The following CAPN7 variants were observed in gnomAD, a reference collection of about 807,000 sequenced individuals.
The protein encoded by CAPN7 is calpain 7, also known as calpain-7.
A neutral mutation model predicts 115.2 loss-of-function variants in CAPN7; 72 were observed. That is an observed-to-expected ratio of 0.63 (90% CI 0.52 to 0.76). CAPN7 has a LOEUF of 0.76. Ranked by LOEUF, CAPN7 falls within the 30% of genes least tolerant of loss-of-function variation. The pLI is 0.00. For missense variants in CAPN7, 905 were observed against 971.5 expected (o/e 0.93, Z 0.91); for synonymous variants, 344 against 322.3 (o/e 1.07, Z -0.72).
chr3:15,244,958 A>G (rs1194390725), intron 16 of CAPN7, among the ~76,000 whole-genome samples: 1 of 152,142 alleles, frequency 6.6e-6, no homozygotes, highest in Non-Finnish European at 1.5e-5. Context: ...ATATACACTT[A>G]TACCAGAAAC....
At chr3:15,244,986 A>AT (rs1168886633) in intron 16 of CAPN7, among the ~76,000 whole-genome samples, 2 of 151,858 alleles carry the variant, frequency 1.3e-5, no homozygotes, top group African/African-American at 4.8e-5. Context: ...TTTTTCATTC[A>AT]TTTTTAGGAG....
chr3:15,219,771 G>A (rs1299306031), intron 4 of CAPN7, among the ~76,000 whole-genome samples: 1 of 152,332 alleles, frequency 6.6e-6, no homozygotes, highest in South Asian at 2.1e-4. Context: ...TAGCTCGTTA[G>A]TTCTTTGACA....
At chr3:15,215,212 C>T (rs560632703) in intron 2 of CAPN7, among the ~76,000 whole-genome samples, 1 of 151,806 alleles carries the variant, frequency 6.6e-6, no homozygotes, top group East Asian at 1.9e-4. Flanking sequence ...GTCACTTGAG[C>T]CCAGTAGTTT....
intron 16 of CAPN7, 125 bp from the exon 17 acceptor site, chr3:15,245,401 C>G: frequency 1.3e-6 from 1 of 798,990 alleles, no homozygotes; most frequent in Non-Finnish European, 2.0e-6. Context: ...TCACTAATAT[C>G]ATTATATTTT....
intron 1 of CAPN7, 57 bp downstream of exon 1, chr3:15,206,654 C>T (rs1037693044): frequency 9.9e-6 from 13 of 1,318,690 alleles, no homozygotes; most frequent in African/African-American, 1.5e-5. Context: ...CGGCCCGGGC[C>T]TGCGGCCGAG....
intron 18 of CAPN7, 24 bp downstream of exon 18, chr3:15,246,818 A>G: frequency 1.3e-6 from 2 of 1,515,362 alleles, no homozygotes; most frequent in Non-Finnish European, 1.8e-6. Context: ...TTTGGTTGTA[A>G]TCTCAGCATT....
chr3:15,246,015 C>T (rs1400551328), intron 17 of CAPN7: 2 of 162,000 alleles, frequency 1.2e-5, no homozygotes, highest in East Asian at 3.6e-4. Context: ...AATCTCGGCT[C>T]ACTGCAGCCT....
At chr3:15,212,312 C>G (rs1310078797) in intron 2 of CAPN7, 100 bp downstream of exon 2, 1 of 636,664 alleles carries the variant, frequency 1.6e-6, no homozygotes, top group Non-Finnish European at 2.7e-6. Flanking sequence ...ATCTTTGAAT[C>G]TTGATGCTCA....
intron 1 of CAPN7, among the ~76,000 whole-genome samples, chr3:15,211,724 ATC>A (rs544180758): frequency 4.3e-4 from 65 of 152,056 alleles, no homozygotes; most frequent in Non-Finnish European, 8.5e-4. Flanking sequence ...GCAGAACCCA[ATC>A]TCTACTAAAA....
rs1294670083 is a variant in CAPN7, at chr3:15,230,488, T to C, written c.985T>C (p.Cys329Arg). The C allele has an allele frequency of 1.2e-6, 2 of 1,613,274 alleles. No homozygotes were observed. Among genetic ancestry groups the C allele is most frequent in the South Asian group, 1.1e-5 (1 of 91,060 alleles). Residue 329 changes from cysteine to arginine, a missense_variant, in exon 9 of 21, where the codon TGT becomes CGT. By Grantham distance (180) the Cys-to-Arg change is radical (BLOSUM62 -3). Transcript: ENST00000253693. ...GGATGGTGAACCAGAATACAATCCATGTGGGAAGTATATGGTAAAACTTCA... is the reference window on the plus strand; with the variant it reads ...GGATGGTGAACCAGAATACAATCCACGTGGGAAGTATATGGTAAAACTTCA... The part of the protein sequence containing the change: ...NKDGEPEYNP[C>R]GKYMVKLHLN...
Position 15,227,832 on chromosome 3 carries a change from A to G in CAPN7, c.726-7A>G, listed in dbSNP as rs748740884. 7.6e-6 allele frequency: 11 copies of G among 1,445,098 alleles called. No individual in the cohort carries two copies. Among genetic ancestry groups the G allele is most frequent in the Non-Finnish European group, 1.0e-5 (11 of 1,088,426 alleles). The allele number at this position is 1,445,098 out of a possible 1,614,324, so 89.5% of individuals were successfully genotyped here. On this transcript the variant is annotated splice_polypyrimidine_tract_variant and splice_region_variant and intron_variant, in intron 6 of 20. Coordinates refer to ENST00000253693, the MANE Select transcript of CAPN7 (RefSeq NM_014296.3). ...TTTTTTTATTTTAATTTTTATTATT[A>G]CCTCAGTGATAGATGGGGCAAGCTA...
rs757490215 is a variant in CAPN7 at position 15,235,104 on chromosome 3, C to T, written c.1366C>T (p.Pro456Ser). Residue 456 changes from proline to serine, a missense_variant, in exon 12 of 21, where the codon CCC becomes TCC. By Grantham distance (74) the Pro-to-Ser change is moderately conservative (BLOSUM62 -1). Around this residue, in one of 3 missense-constraint regions of CAPN7, gnomAD observed 620 missense variants for 703.4 expected, o/e 0.88. Transcript: ENST00000253693. ...EAEGEKWGLVPTHAYAVLDIR... is the reference protein window; with the variant it reads ...EAEGEKWGLVSTHAYAVLDIR... ...TGAAGGAGAGAAGTGGGGTCTGGTTCCCACACACGCATATGCTGTTTTGGA... is the reference window on the plus strand; with the variant it reads ...TGAAGGAGAGAAGTGGGGTCTGGTTTCCACACACGCATATGCTGTTTTGGA... 1.2e-5 allele frequency: 19 copies of T among 1,613,478 alleles called. No homozygotes were observed. The Admixed American group carries it at 2.7e-4, about 23-fold the overall frequency.
chr3:15,212,774 T>C (rs1274741521), intron 2 of CAPN7, among the ~76,000 whole-genome samples: 1 of 152,224 alleles, frequency 6.6e-6, no homozygotes, highest in African/African-American at 2.4e-5. Context: ...GGTCACAGTT[T>C]TGTTAGAGGT....
intron 16 of CAPN7, among the ~76,000 whole-genome samples, chr3:15,243,348 A>G (rs1191854876): frequency 1.3e-5 from 2 of 152,212 alleles, no homozygotes; most frequent in African/African-American, 4.8e-5. Flanking sequence ...GGAAAATGAC[A>G]TGTCCTGGCT....
At chr3:15,238,108 CTTTTT>C (rs34203410) in intron 12 of CAPN7, among the ~76,000 whole-genome samples, 4 of 58,186 alleles carry the variant, frequency 6.9e-5, no homozygotes, top group Admixed American at 2.6e-4. Flanking sequence ...ATTCTGACTT[CTTTTT>C]TTTTTTTTTT....
At chr3:15,247,492 T>G in intron 19 of CAPN7, 35 bp downstream of exon 19, 2 of 1,556,452 alleles carry the variant, frequency 1.3e-6, no homozygotes, top group South Asian at 2.4e-5. Context: ...ATTAATGATG[T>G]TCTATTACAA....
chr3:15,213,756 T>G (rs969083488), intron 2 of CAPN7, among the ~76,000 whole-genome samples: 2 of 152,164 alleles, frequency 1.3e-5, no homozygotes, highest in African/African-American at 4.8e-5. Flanking sequence ...GCCTAAAAAC[T>G]TACATGTGAT....
At chr3:15,217,800 C>A (rs900002032) in intron 3 of CAPN7, among the ~76,000 whole-genome samples, 1 of 152,202 alleles carries the variant, frequency 6.6e-6, no homozygotes, top group Non-Finnish European at 1.5e-5. Flanking sequence ...TCTTAAATTA[C>A]AAGAACTATT....
chr3:15,212,902 C>T (rs1052929021), intron 2 of CAPN7, among the ~76,000 whole-genome samples: 2 of 152,144 alleles, frequency 1.3e-5, no homozygotes, highest in East Asian at 3.8e-4. Context: ...TTCTCATGGA[C>T]TTTGTGTAAC....
Sources: gnomAD v4.1 joint callset for allele counts (sites outside exome capture counted in the v4.1 genomes callset) on GRCh38, gnomAD v4.1.1 for gene constraint, gnomAD v4.1.1 regional missense constraint, MANE v1.5 for transcripts, NCBI Gene and HGNC (gene_info 2026-07-23, HGNC 2026-07-21) for gene names.